Variants in USF3 observed in about 807,000 individuals in gnomAD.
USF3 encodes the protein basic helix-loop-helix domain-containing protein USF3.
USF3 carries 29 observed loss-of-function variants against 157.5 expected under a neutral mutation model. That is an observed-to-expected ratio of 0.18 (90% CI 0.14 to 0.25). The LOEUF is 0.25. Among genes scored for constraint, USF3 ranks in the 10% least tolerant of loss-of-function variants. The pLI, the probability that USF3 is intolerant of heterozygous loss-of-function variation, is 1.00. For synonymous variants in USF3, 893 were observed against 941.4 expected, an observed-to-expected ratio of 0.95 and a Z score of 0.94; for missense variants, 2,381 against 2,667.6, an observed-to-expected ratio of 0.89 and a Z score of 2.37.
intron 5 of USF3, among the ~76,000 whole-genome samples, chr3:113,665,589 GGCC>G (rs1947551979): frequency 6.6e-6 from 1 of 151,430 alleles, no homozygotes; most frequent in African/African-American, 2.4e-5. Context: ...CACTTTGGGA[GGCC>G]GAGGCGGGCA....
At position 113,658,757 on chromosome 3, in the gene USF3, C is replaced by G; in HGVS notation, c.2925G>C (p.Glu975Asp). The change falls in exon 7 of 7, where the codon GAG (glutamate) becomes GAC (aspartate). Residue 975 changes from glutamate to aspartate, a missense_variant. This residue lies in a region of USF3 where 1,435 missense variants were observed against 1,550.9 expected (regional missense o/e 0.93). Coordinates refer to ENST00000316407, the MANE Select transcript of USF3 (RefSeq NM_001009899.4). The stretch of plus-strand genomic sequence containing the variant: ...TGCAAGGTTCAGCAATGATTTCTAC[C>G]TCAGAAACACAGTCAGTACTTGTAG... ...TSTTSTDCVS[E>D]VEIIAEPCRV... is the part of the protein sequence containing the mutation. 1 of 1,614,030 alleles carries G rather than the reference C, an allele frequency of 6.2e-7. No individual in the cohort carries two copies. The highest frequency in any genetic ancestry group is 8.5e-7 in the Non-Finnish European group (1 of 1,180,020).
At chr3:113,694,620 C>T (rs1451065711) in intron 1 of USF3, among the ~76,000 whole-genome samples, 1 of 152,166 alleles carries the variant, frequency 6.6e-6, no homozygotes, top group Non-Finnish European at 1.5e-5. Context: ...TTTTGACCTC[C>T]CTGGGGCACA....
At chr3:113,662,674 C>T (rs773777343) in intron 6 of USF3, among the ~76,000 whole-genome samples, 7 of 152,172 alleles carry the variant, frequency 4.6e-5, no homozygotes, top group Non-Finnish European at 7.4e-5. Context: ...TCACTTACTG[C>T]ACCTTTACTA....
Position 113,672,137 on chromosome 3 carries a change from T to C in USF3, c.76+1211A>G, listed in dbSNP as rs1189021684. Among the ~76,000 whole-genome samples the C allele has an allele frequency of 2.7e-5, 4 of 149,818 alleles. No individual in the cohort carries two copies. The South Asian group carries it at 6.4e-4, about 24-fold the overall frequency. On this transcript the variant is annotated intron_variant, in intron 4 of 6. Transcript: ENST00000316407. The stretch of plus-strand genomic sequence containing the variant: ...AGTTATGGTAAACACATCTCTTTCT[T>C]TTTTTTTTTCTTTTTTTTTTTTGAG...
At chr3:113,685,403 T>C (rs966136054) in intron 1 of USF3, among the ~76,000 whole-genome samples, 4 of 152,166 alleles carry the variant, frequency 2.6e-5, no homozygotes, top group African/African-American at 9.7e-5. Context: ...CAGCAGATGA[T>C]GAATCCTGCC....
In USF3 at chr3:113,651,798, A is replaced by G. The variant is rs1345732473; in HGVS notation, c.*3146T>C. On this transcript the variant is annotated 3_prime_UTR_variant, in exon 7 of 7. Coordinates refer to ENST00000316407, the MANE Select transcript of USF3 (RefSeq NM_001009899.4). ...GAGAGCTACACGTAAGCAGGAGCCA[A>G]TTATTCACAGATGGTCACATTTTTC... 1 of 152,234 alleles carries G rather than the reference A, an allele frequency of 6.6e-6. No individual in the cohort carries two copies. Among genetic ancestry groups the G allele is most frequent in the Non-Finnish European group, 1.5e-5 (1 of 68,038 alleles). The allele number at this position is 152,234 out of a possible 1,614,324, so 9.4% of individuals were successfully genotyped here. A position where few individuals can be genotyped will look rare whatever the true frequency, so the allele number is the denominator to read the frequency against.
rs1947467758 is a variant in USF3 at position 113,660,699 on chromosome 3, C to G, written c.983G>C (p.Arg328Thr). The change falls in exon 7 of 7, where the codon AGA becomes ACA. Residue 328 changes from arginine to threonine, a missense_variant. Physicochemically the swap from Arg to Thr is moderately conservative, Grantham distance 71. Around this residue, in one of 6 missense-constraint regions of USF3, gnomAD observed 1,435 missense variants for 1,550.9 expected, o/e 0.93. Transcript: ENST00000316407. ...AACAAAAGTGTTTTGAAAATCACCTCTGAAGTCCTGTATGCTCAGGCAGGA... is the reference window on the plus strand; with the variant it reads ...AACAAAAGTGTTTTGAAAATCACCTGTGAAGTCCTGTATGCTCAGGCAGGA... The part of the protein sequence containing the change: ...NKSCLSIQDF[R>T]GDFQNTFVVS... The G allele has an allele frequency of 2.5e-6, 4 of 1,614,100 alleles. 1 individual carries two copies. Among genetic ancestry groups the G allele is most frequent in the South Asian group, 2.2e-5 (2 of 91,092 alleles).
chr3:113,675,038 TAGAA>T (rs1397821171), intron 2 of USF3, 142 bp from the exon 3 acceptor site: 6 of 627,360 alleles, frequency 9.6e-6, no homozygotes, highest in South Asian at 1.9e-5. Flanking sequence ...GTGTTGCAGA[TAGAA>T]AGAAGTATAA....
chr3:113,696,152 G>A (rs1577059582), intron 1 of USF3, among the ~76,000 whole-genome samples: 1 of 152,226 alleles, frequency 6.6e-6, no homozygotes, highest in African/African-American at 2.4e-5. Flanking sequence ...AGGGCGGGCG[G>A]GAGATGAGGG....
chr3:113,649,573 A>G lies in USF3; in HGVS notation c.*5371T>C, dbSNP rs943203492. ...CTCAGAGAATGGTAAGGCAACAGTG[A>G]GAAACATCAGCTGTACTTGTCGAGA... On this transcript the variant is annotated 3_prime_UTR_variant, in exon 7 of 7. Coordinates refer to ENST00000316407, the MANE Select transcript of USF3 (RefSeq NM_001009899.4). 5.4e-6 allele frequency: 2 copies of G among 371,892 alleles called. No individual in the cohort carries two copies. Among genetic ancestry groups the G allele is most frequent in the African/African-American group, 4.2e-5 (2 of 48,040 alleles). 23.0% of individuals were successfully genotyped at this position (371,892 alleles called of 1,614,324 possible).
At position 113,648,937 on chromosome 3, in the gene USF3, T is replaced by C. The variant is rs183275085; in HGVS notation, c.*6007A>G. 2.0e-5 allele frequency: 3 copies of C among 152,554 alleles called. No individual in the cohort carries two copies. Among genetic ancestry groups the C allele is most frequent in the African/African-American group, 7.2e-5 (3 of 41,514 alleles). The allele number at this position is 152,554 out of a possible 1,614,324, so 9.5% of individuals were successfully genotyped here. A position where few individuals can be genotyped will look rare whatever the true frequency, so the allele number is the denominator to read the frequency against. ...ATAGCCTGCTGAAAGTGGAAGCGAATCTTTTCTTCACAGTAACACAACTGC... is the reference window on the plus strand; with the variant it reads ...ATAGCCTGCTGAAAGTGGAAGCGAACCTTTTCTTCACAGTAACACAACTGC... On this transcript the variant is annotated 3_prime_UTR_variant, in exon 7 of 7. Coordinates refer to ENST00000316407, the MANE Select transcript of USF3 (RefSeq NM_001009899.4).
rs772446982 is a variant in USF3, at chr3:113,657,042, T to C, written c.4640A>G (p.Gln1547Arg). The change falls in exon 7 of 7, where the codon CAA (glutamine) becomes CGA (arginine). Residue 1547 changes from glutamine to arginine, a missense_variant. Gln to Arg is a conservative substitution (Grantham distance 43). Coordinates refer to ENST00000316407, the MANE Select transcript of USF3 (RefSeq NM_001009899.4). Reference sequence around the variant, plus strand: ...TGGCTGGCCAGTCTTGGATCGGGATTGGTCAGTTCCATGGTGCTTTGGTTG... The same window carrying C: ...TGGCTGGCCAGTCTTGGATCGGGATCGGTCAGTTCCATGGTGCTTTGGTTG... ...SLQPKHHGTD[Q>R]SRSKTGQPHP... is the part of the protein sequence containing the mutation. 1 of 1,614,046 alleles carries C rather than the reference T, an allele frequency of 6.2e-7. No individual in the cohort carries two copies. The highest frequency in any genetic ancestry group is 1.3e-5 in the African/African-American group (1 of 74,934).
chr3:113,662,690 C>T (rs1293926858), intron 6 of USF3, among the ~76,000 whole-genome samples: 1 of 152,166 alleles, frequency 6.6e-6, no homozygotes, highest in Admixed American at 6.5e-5. Context: ...TACTACCTGG[C>T]ACATTTCATT....
In USF3 at chr3:113,650,957, T is replaced by C. The variant is rs1947250481; in HGVS notation, c.*3987A>G. On this transcript the variant is annotated 3_prime_UTR_variant, in exon 7 of 7. Transcript: ENST00000316407. ...TCTTACAATAAAAACAAAAATAAAT[T>C]TCCTGAACCGGTATAAAACAACATA... 1.3e-5 allele frequency: 2 copies of C among 152,126 alleles called. No homozygotes were observed. The highest frequency in any genetic ancestry group is 2.9e-5 in the Non-Finnish European group (2 of 68,014). The allele number at this position is 152,126 out of a possible 1,614,324, so 9.4% of individuals were successfully genotyped here.
At position 113,659,145 on chromosome 3, in the gene USF3, G is replaced by A. The variant is rs965721326; in HGVS notation, c.2537C>T (p.Ala846Val). The A allele has an allele frequency of 6.8e-6, 11 of 1,614,056 alleles. No homozygotes were observed. Among genetic ancestry groups the A allele is most frequent in the African/African-American group, 2.7e-5 (2 of 74,920 alleles). The change falls in exon 7 of 7, where the codon GCT becomes GTT. Residue 846 changes from alanine (A) to valine (V), a missense_variant. Transcript: ENST00000316407. ...AGACACAGAGACAGATGGTAACACAGCAGGGAAGCTTTCTAGCAGTCCATC... is the reference window on the plus strand; with the variant it reads ...AGACACAGAGACAGATGGTAACACAACAGGGAAGCTTTCTAGCAGTCCATC... ...CNDGLLESFP[A>V]VLPSVSVSQA...
chr3:113,649,743 T>C lies in USF3; in HGVS notation c.*5201A>G. The C allele has an allele frequency of 1.4e-6, 1 of 692,670 alleles. No individual in the cohort carries two copies. The highest frequency in any genetic ancestry group is 2.6e-6 in the Non-Finnish European group (1 of 381,154). 42.9% of individuals were successfully genotyped at this position (692,670 alleles called of 1,614,324 possible). The stretch of plus-strand genomic sequence containing the variant: ...GCAGGAACAGGGTAGAGGCTACAGG[T>C]GGAAAGATCTAGAAGCTCTGTGTCC... On this transcript the variant is annotated 3_prime_UTR_variant, in exon 7 of 7. Coordinates refer to ENST00000316407, the MANE Select transcript of USF3 (RefSeq NM_001009899.4).
At chr3:113,669,847 T>C (rs1471183559) in intron 5 of USF3, among the ~76,000 whole-genome samples, 1 of 152,102 alleles carries the variant, frequency 6.6e-6, no homozygotes, top group Non-Finnish European at 1.5e-5. Context: ...GCCTTGCAAA[T>C]AGAGTGGCAT....
Position 113,658,212 on chromosome 3 carries a change from A to G in USF3, c.3470T>C (p.Ile1157Thr), listed in dbSNP as rs774867579. ...EKGRVGLQADIREVASKPSEA... is the reference protein window; with the variant it reads ...EKGRVGLQADTREVASKPSEA... ...AGAAGGCTTTGAAGCAACTTCCCTT[A>G]TATCAGCCTGGAGGCCAACTCTCCC... Residue 1157 changes from isoleucine (I) to threonine (T), a missense_variant, in exon 7 of 7, where the codon ATA (isoleucine) becomes ACA (threonine). Ile to Thr is a moderately conservative substitution (Grantham distance 89, BLOSUM62 -1). Coordinates refer to ENST00000316407, the MANE Select transcript of USF3 (RefSeq NM_001009899.4). 1.4e-5 allele frequency: 23 copies of G among 1,614,038 alleles called. No individual in the cohort carries two copies. Among genetic ancestry groups the G allele is most frequent in the East Asian group, 2.2e-5 (1 of 44,896 alleles).
chr3:113,675,710 A>G (rs1707265877), intron 2 of USF3, among the ~76,000 whole-genome samples: 1 of 152,182 alleles, frequency 6.6e-6, no homozygotes, highest in African/African-American at 2.4e-5. Context: ...ATGCTGCTAT[A>G]AAGAAATACA....
Sources: allele counts gnomAD v4.1 joint callset (sites outside exome capture counted in the v4.1 genomes callset), GRCh38; gene constraint gnomAD v4.1.1; regional missense constraint gnomAD v4.1.1; transcripts MANE v1.5; gene names NCBI Gene and HGNC (gene_info 2026-07-23, HGNC 2026-07-21).